Variants in MTHFD2L observed in about 807,000 individuals in gnomAD.
MTHFD2L encodes bifunctional methylenetetrahydrofolate dehydrogenase/cyclohydrolase 2, mitochondrial.
Under a neutral mutation model 34.9 loss-of-function variants are expected in MTHFD2L, and 29 were observed. The observed-to-expected ratio is 0.83, with a 90% CI of 0.62 to 1.13. The LOEUF (loss-of-function observed/expected upper bound fraction) is 1.13. Ranked by LOEUF, MTHFD2L falls within the 50% of genes most tolerant of loss-of-function variation. The pLI is 0.00. For synonymous variants in MTHFD2L, 167 were observed against 155.7 expected (o/e 1.07, Z -0.54); for missense variants, 481 against 446.5 (o/e 1.08, Z -0.70).
At chr4:74,165,463 T>G (rs1022339830) in intron 1 of MTHFD2L, among the ~76,000 whole-genome samples, 10 of 152,176 alleles carry the variant, frequency 6.6e-5, no homozygotes, top group Non-Finnish European at 1.3e-4. Context: ...GTTCAAGTGA[T>G]TCTCCTGCCT....
chr4:74,227,119 G>A (rs1027862960), intron 6 of MTHFD2L, among the ~76,000 whole-genome samples: 8 of 152,160 alleles, frequency 5.3e-5, no homozygotes, highest in African/African-American at 1.9e-4. Context: ...TCCCAGCAAG[G>A]TTTGGCACTA....
At chr4:74,236,148 A>C (rs1005536990) in intron 6 of MTHFD2L, among the ~76,000 whole-genome samples, 1 of 152,078 alleles carries the variant, frequency 6.6e-6, no homozygotes, top group Admixed American at 6.6e-5. Flanking sequence ...CTATTATCTG[A>C]CTTGTCCAGG....
At chr4:74,190,586 A>G in intron 3 of MTHFD2L, 1 of 892,724 alleles carries the variant, frequency 1.1e-6, no homozygotes, top group Non-Finnish European at 1.3e-6. Context: ...CAGCGAGGTT[A>G]GAGTGTGTTC....
At chr4:74,164,711 T>C (rs1034994546) in intron 1 of MTHFD2L, among the ~76,000 whole-genome samples, 1 of 152,230 alleles carries the variant, frequency 6.6e-6, no homozygotes, top group Non-Finnish European at 1.5e-5. Flanking sequence ...CCTAACTTTA[T>C]TATTGCTACT....
At chr4:74,139,974 T>C (rs1723180200) in intron 1 of MTHFD2L, among the ~76,000 whole-genome samples, 1 of 152,028 alleles carries the variant, frequency 6.6e-6, no homozygotes, top group Non-Finnish European at 1.5e-5. Context: ...TTATCACAGG[T>C]AAAATAGTAA....
chr4:74,260,893 G>T (rs1197585120), intron 6 of MTHFD2L, among the ~76,000 whole-genome samples: 9 of 148,902 alleles, frequency 6.0e-5, no homozygotes, highest in African/African-American at 2.3e-4. Context: ...TATTAAAAGT[G>T]TATACCCATT....
In MTHFD2L at chr4:74,301,968, C is replaced by T; in HGVS notation, c.*159C>T. On this transcript the variant is annotated 3_prime_UTR_variant, in exon 8 of 8. Coordinates refer to ENST00000325278, the MANE Select transcript of MTHFD2L (RefSeq NM_001144978.3). ...ATCAATTGATTCACATAGTTTTATGCATTTCCTGCTAATTTATTTTGAGTT... is the reference window on the plus strand; with the variant it reads ...ATCAATTGATTCACATAGTTTTATGTATTTCCTGCTAATTTATTTTGAGTT... 2.3e-6 allele frequency: 1 copy of T among 426,124 alleles called. No homozygotes were observed. The highest frequency in any genetic ancestry group is 4.2e-6 in the Non-Finnish European group (1 of 236,792). 26.4% of individuals were successfully genotyped at this position (426,124 alleles called of 1,614,324 possible).
intron 3 of MTHFD2L, among the ~76,000 whole-genome samples, chr4:74,189,114 G>T (rs187905067): frequency 1.6e-4 from 25 of 152,054 alleles, no homozygotes; most frequent in African/African-American, 6.0e-4. Flanking sequence ...TTTGTTTGGG[G>T]TAGTAGATTT....
chr4:74,164,895 G>A (rs1726333531), intron 1 of MTHFD2L: 1 of 855,520 alleles, frequency 1.2e-6, no homozygotes, highest in African/African-American at 1.8e-5. Flanking sequence ...TGGAAGGGAG[G>A]GCACCTTTTC....
chr4:74,243,456 T>G (rs1238233883), intron 6 of MTHFD2L, among the ~76,000 whole-genome samples: 1 of 152,216 alleles, frequency 6.6e-6, no homozygotes, highest in African/African-American at 2.4e-5. Context: ...AGGCAAAGTC[T>G]TGAAGCTTTC....
In MTHFD2L at chr4:74,300,507, C is replaced by G. The variant is rs959787579; in HGVS notation, c.932-1190C>G. ...GAGCTAATTGTAAAAGGCAATACAT[C>G]TAAATAGCATGTGGTTAATAATGTC... On this transcript the variant is annotated intron_variant, in intron 7 of 7. Coordinates refer to ENST00000325278, the MANE Select transcript of MTHFD2L (RefSeq NM_001144978.3). Among the ~76,000 whole-genome samples the G allele has an allele frequency of 5.3e-5, 8 of 152,094 alleles. No individual in the cohort carries two copies. In the East Asian group the frequency reaches 1.5e-3, roughly 29 times the overall value.
At chr4:74,126,759 T>C (rs751308811) in intron 1 of MTHFD2L, among the ~76,000 whole-genome samples, 1 of 152,126 alleles carries the variant, frequency 6.6e-6, no homozygotes, top group Non-Finnish European at 1.5e-5. Context: ...ATGATTATTG[T>C]ATACTTTATA....
chr4:74,270,171 A>G (rs1236509352), intron 6 of MTHFD2L, among the ~76,000 whole-genome samples: 1 of 150,710 alleles, frequency 6.6e-6, no homozygotes, highest in Non-Finnish European at 1.5e-5. Context: ...TTTTCTTTTT[A>G]TTATTATTAT....
At chr4:74,222,572 G>A (rs1186085467) in intron 5 of MTHFD2L, among the ~76,000 whole-genome samples, 1 of 151,980 alleles carries the variant, frequency 6.6e-6, no homozygotes, top group Non-Finnish European at 1.5e-5. Context: ...CATAAGTTTG[G>A]GAGAGGACAA....
upstream of MTHFD2L, among the ~76,000 whole-genome samples, chr4:74,124,159 T>C (rs1005899241): frequency 1.3e-5 from 2 of 152,114 alleles, no homozygotes. Context: ...ATTTTCTGCC[T>C]GCTTTGAAGA....
intron 6 of MTHFD2L, among the ~76,000 whole-genome samples, chr4:74,250,236 AG>A (rs1268656023): frequency 2.0e-5 from 3 of 152,102 alleles, no homozygotes; most frequent in Admixed American, 2.0e-4. Context: ...ATAATTTTTA[AG>A]AACATAAAGG....
chr4:74,141,277 T>C (rs1395664710), intron 1 of MTHFD2L, among the ~76,000 whole-genome samples: 2 of 152,182 alleles, frequency 1.3e-5, no homozygotes, highest in African/African-American at 4.8e-5. Context: ...TAGAAAGGAT[T>C]AGAGCTAAAT....
rs542806586 is a variant in MTHFD2L, at chr4:74,170,427, C to T, written c.144-4079C>T. On this transcript the variant is annotated intron_variant, in intron 1 of 7. Coordinates refer to ENST00000325278, the MANE Select transcript of MTHFD2L (RefSeq NM_001144978.3). ...TTGGCAGTAGCCTCATACAAATTCT[C>T]ACCAAACTAAAAATAGACATAAATC... Among the ~76,000 whole-genome samples, 3 of 152,270 alleles carry T rather than the reference C, an allele frequency of 2.0e-5. No homozygotes were observed. The South Asian group carries it at 6.2e-4, about 32-fold the overall frequency.
chr4:74,273,266 T>C (rs929320998), intron 6 of MTHFD2L, among the ~76,000 whole-genome samples: 3 of 152,014 alleles, frequency 2.0e-5, no homozygotes, highest in Admixed American at 6.6e-5. Flanking sequence ...CTTTATAAAA[T>C]AATGCACTTT....
Sources: gnomAD v4.1 joint callset for allele counts (sites outside exome capture counted in the v4.1 genomes callset) on GRCh38, gnomAD v4.1.1 for gene constraint, MANE v1.5 for transcripts, NCBI Gene and HGNC (gene_info 2026-07-23, HGNC 2026-07-21) for gene names.